NTM: variants seen among roughly 807,000 people sequenced by gnomAD.
NTM encodes the protein neurotrimin.
Under a neutral mutation model 42.1 loss-of-function variants are expected in NTM, and 13 were observed. That is an observed-to-expected ratio of 0.31 (90% CI 0.20 to 0.49). NTM has a LOEUF of 0.49. Among genes scored for constraint, NTM ranks in the 20% least tolerant of loss-of-function variants. NTM has a pLI of 0.99. For synonymous variants in NTM, 187 were observed against 179.2 expected, an observed-to-expected ratio of 1.04 and a Z score of -0.35; for missense variants, 373 against 452.8, an observed-to-expected ratio of 0.82 and a Z score of 1.60.
chr11:131,706,445 G>A (rs984289785), intron 1 of NTM, among the ~76,000 whole-genome samples: 1 of 151,794 alleles, frequency 6.6e-6, no homozygotes, highest in African/African-American at 2.4e-5. Context: ...AAATCAATAA[G>A]GAAACAATGG....
chr11:131,800,059 G>T (rs1033245531), intron 1 of NTM, among the ~76,000 whole-genome samples: 2 of 152,320 alleles, frequency 1.3e-5, no homozygotes, highest in South Asian at 2.1e-4. Flanking sequence ...GCACACTCTA[G>T]ATCCTCAGTC....
chr11:131,789,654 G>A (rs1483474205), intron 1 of NTM, among the ~76,000 whole-genome samples: 1 of 138,160 alleles, frequency 7.2e-6, no homozygotes, highest in African/African-American at 2.7e-5. Context: ...AGAAGAAGAA[G>A]AAGAAGAAGA....
At chr11:131,525,698 G>C (rs1244377580) in intron 1 of NTM, among the ~76,000 whole-genome samples, 1 of 152,190 alleles carries the variant, frequency 6.6e-6, no homozygotes, top group Non-Finnish European at 1.5e-5. Flanking sequence ...GAGGTAATGG[G>C]AAGATAATGG....
chr11:131,906,036 T>C (rs1392266944), intron 1 of NTM, among the ~76,000 whole-genome samples: 1 of 152,098 alleles, frequency 6.6e-6, no homozygotes, highest in African/African-American at 2.4e-5. Flanking sequence ...TTAATGGAAA[T>C]AAAACCACTG....
At chr11:132,152,246 G>T (rs1439531435) in intron 3 of NTM, among the ~76,000 whole-genome samples, 1 of 152,150 alleles carries the variant, frequency 6.6e-6, no homozygotes, top group Non-Finnish European at 1.5e-5. Flanking sequence ...GCAGGACAAG[G>T]CTCCCGGAGA....
chr11:132,128,760 AT>A (rs2066286326), intron 2 of NTM, among the ~76,000 whole-genome samples: 2 of 151,484 alleles, frequency 1.3e-5, no homozygotes, highest in South Asian at 4.2e-4. Context: ...TAAAAAAAAA[AT>A]AATAAAAAAT....
intron 1 of NTM, among the ~76,000 whole-genome samples, chr11:131,844,008 G>C (rs2044618454): frequency 6.6e-6 from 1 of 151,548 alleles, no homozygotes; most frequent in East Asian, 1.9e-4. Context: ...TTTTTTTGTA[G>C]AGAACTATTT....
chr11:131,482,483 T>C (rs1953713606), intron 1 of NTM, among the ~76,000 whole-genome samples: 1 of 152,232 alleles, frequency 6.6e-6, no homozygotes, highest in African/African-American at 2.4e-5. Context: ...GCTCTGGTGT[T>C]CCTTTCTCTA....
At chr11:132,262,022 C>G (rs748954415) in intron 4 of NTM, among the ~76,000 whole-genome samples, 1 of 152,214 alleles carries the variant, frequency 6.6e-6, no homozygotes, top group African/African-American at 2.4e-5. Context: ...CTAAGCCCAT[C>G]CCAGCCAAGT....
At chr11:131,462,171 T>C (rs1177618481) in intron 1 of NTM, among the ~76,000 whole-genome samples, 1 of 151,970 alleles carries the variant, frequency 6.6e-6, no homozygotes, top group Non-Finnish European at 1.5e-5. Context: ...CTGAATACTG[T>C]ATTATTCCAT....
intron 2 of NTM, among the ~76,000 whole-genome samples, chr11:132,120,048 G>A (rs551093405): frequency 1.1e-4 from 16 of 152,262 alleles, no homozygotes; most frequent in South Asian, 2.1e-4. Context: ...TATTGCACGC[G>A]AATCAGGACC....
chr11:131,783,937 C>A (rs1188065490), intron 1 of NTM, among the ~76,000 whole-genome samples: 1 of 152,072 alleles, frequency 6.6e-6, no homozygotes, highest in African/African-American at 2.4e-5. Flanking sequence ...CAACTCAATC[C>A]TGAGAAGACA....
At chr11:132,050,633 G>A (rs1278294109) in intron 2 of NTM, among the ~76,000 whole-genome samples, 2 of 152,106 alleles carry the variant, frequency 1.3e-5, no homozygotes, top group Non-Finnish European at 2.9e-5. Context: ...GGTTTATGGC[G>A]GCAAAGCCTA....
intron 1 of NTM, among the ~76,000 whole-genome samples, chr11:131,593,375 C>T (rs530239077): frequency 3.9e-5 from 6 of 152,190 alleles, no homozygotes; most frequent in Admixed American, 1.3e-4. Flanking sequence ...AGGTGGGGTA[C>T]GAGCATCTTC....
intron 2 of NTM, among the ~76,000 whole-genome samples, chr11:132,046,469 G>GT (rs1188666153): frequency 6.6e-6 from 1 of 151,934 alleles, no homozygotes; most frequent in Non-Finnish European, 1.5e-5. Flanking sequence ...ACTGCTGTGA[G>GT]TTATTATACT....
intron 2 of NTM, among the ~76,000 whole-genome samples, chr11:132,004,967 A>T (rs2070419983): frequency 6.6e-6 from 1 of 152,180 alleles, no homozygotes; most frequent in African/African-American, 2.4e-5. Context: ...TTACCTTACC[A>T]CGCAGAATGA....
intron 3 of NTM, among the ~76,000 whole-genome samples, chr11:132,204,974 T>C (rs1314428311): frequency 6.6e-6 from 1 of 152,228 alleles, no homozygotes; most frequent in East Asian, 1.9e-4. Context: ...TGCACCAGGC[T>C]GTTCTCATAG....
chr11:131,468,844 G>A (rs931934233), intron 1 of NTM, among the ~76,000 whole-genome samples: 1 of 152,216 alleles, frequency 6.6e-6, no homozygotes, highest in Admixed American at 6.5e-5. Flanking sequence ...AGCAAAATTG[G>A]CTGTTCCACC....
intron 2 of NTM, among the ~76,000 whole-genome samples, chr11:132,065,080 A>T (rs1220603423): frequency 6.6e-6 from 1 of 152,212 alleles, no homozygotes; most frequent in Non-Finnish European, 1.5e-5. Flanking sequence ...ACAGGAGTGC[A>T]GGGCATGTGA....
Sources: allele counts gnomAD v4.1 joint callset (sites outside exome capture counted in the v4.1 genomes callset), GRCh38; gene constraint gnomAD v4.1.1; transcripts MANE v1.5; gene names NCBI Gene and HGNC (gene_info 2026-07-23, HGNC 2026-07-21).